XKR7: variants seen among roughly 807,000 people sequenced by gnomAD.
XKR7 encodes the protein XK related 7.
Under a neutral mutation model 42.2 loss-of-function variants are expected in XKR7, and 11 were observed. The observed-to-expected ratio is 0.26, with a 90% CI of 0.16 to 0.43. XKR7 has a LOEUF of 0.43. Among genes scored for constraint, XKR7 ranks in the 20% least tolerant of loss-of-function variants. The pLI, the probability that XKR7 is intolerant of heterozygous loss-of-function variation, is 1.00. For synonymous variants in XKR7, 346 were observed against 366.4 expected, an observed-to-expected ratio of 0.94 and a Z score of 0.64; for missense variants, 710 against 802.2, an observed-to-expected ratio of 0.89 and a Z score of 1.39.
intron 1 of XKR7, among the ~76,000 whole-genome samples, chr20:31,991,226 G>A (rs1179863086): frequency 6.6e-6 from 1 of 152,198 alleles, no homozygotes; most frequent in African/African-American, 2.4e-5. Flanking sequence ...CTTCCAGGGT[G>A]TCACCTTCCC....
intron 1 of XKR7, among the ~76,000 whole-genome samples, chr20:31,981,658 C>CTG (rs1266288490): frequency 2.0e-5 from 3 of 152,218 alleles, no homozygotes; most frequent in Admixed American, 6.5e-5. Context: ...TGCCACTGCA[C>CTG]TGCAGCCTGG....
rs2064448243 is a variant in XKR7 at position 31,968,624 on chromosome 20, C to T, written c.449C>T (p.Thr150Ile). Residue 150 changes from threonine to isoleucine, a missense_variant, in exon 1 of 3, where the codon ACC becomes ATC. Thr to Ile is a moderately conservative substitution (Grantham distance 89). Around this residue, in one of 2 missense-constraint regions of XKR7, gnomAD observed 708 missense variants for 786.2 expected, o/e 0.90. Coordinates refer to ENST00000562532, the MANE Select transcript of XKR7 (RefSeq NM_001011718.2). The surrounding 1 kb of genome is among the most constrained non-coding windows in gnomAD (Gnocchi z 4.5). ...AAGGACAGCGCCGGCGCCTTCCGGA[C>T]CAAAGAAGGCAGCCCCGAGCCGGGT... The part of the protein sequence containing the change: ...STKDSAGAFR[T>I]KEGSPEPGPQ... 1 of 1,599,166 alleles carries T rather than the reference C, an allele frequency of 6.3e-7. No individual in the cohort carries two copies. Among genetic ancestry groups the T allele is most frequent in the African/African-American group, 1.3e-5 (1 of 74,866 alleles).
Position 31,996,493 on chromosome 20 carries a change from C to T in XKR7, c.788-12C>T. 7.2e-7 allele frequency: 1 copy of T among 1,386,566 alleles called. No homozygotes were observed. The highest frequency in any genetic ancestry group is 9.4e-7 in the Non-Finnish European group (1 of 1,066,538). 85.9% of individuals were successfully genotyped at this position (1,386,566 alleles called of 1,614,324 possible). A position where few individuals can be genotyped will look rare whatever the true frequency, so the allele number is the denominator to read the frequency against. ...TAACCCAGCCCACCCCGCCCCTGCC[C>T]TGTCTCCACAGCCCTCTCCACCTCC... On this transcript the variant is annotated splice_polypyrimidine_tract_variant and intron_variant, in intron 2 of 2. Transcript: ENST00000562532.
In XKR7 at chr20:31,997,683, C is replaced by T; in HGVS notation, c.*226C>T. ...TGGCCCATTCCCTAAATTCCCCTGA[C>T]CCAGGGCCTGGGGAATCATCTGGTG... On this transcript the variant is annotated 3_prime_UTR_variant, in exon 3 of 3. Transcript: ENST00000562532. The T allele has an allele frequency of 1.8e-6, 1 of 548,934 alleles. No individual in the cohort carries two copies. Among genetic ancestry groups the T allele is most frequent in the Non-Finnish European group, 3.2e-6 (1 of 311,008 alleles). The allele number at this position is 548,934 out of a possible 1,614,324, so 34.0% of individuals were successfully genotyped here.
intron 1 of XKR7, among the ~76,000 whole-genome samples, chr20:31,990,975 A>G (rs905438203): frequency 7.9e-5 from 12 of 152,038 alleles, no homozygotes; most frequent in Non-Finnish European, 1.5e-5. Flanking sequence ...CTGACCCCAC[A>G]TTCCTGGTAC....
intron 1 of XKR7, among the ~76,000 whole-genome samples, chr20:31,991,624 C>G (rs552009679): frequency 3.9e-5 from 6 of 152,316 alleles, no homozygotes; most frequent in African/African-American, 1.4e-4. Flanking sequence ...ACTCTTCAGT[C>G]CAGAATTTCA....
chr20:31,984,915 GTCC>G, intron 1 of XKR7, among the ~76,000 whole-genome samples: 1 of 152,292 alleles, frequency 6.6e-6, no homozygotes, highest in African/African-American at 2.4e-5. Flanking sequence ...ACGAGTCCTG[GTCC>G]CTTTCTAGGT....
At chr20:31,976,292 T>G (rs1600656384) in intron 1 of XKR7, among the ~76,000 whole-genome samples, 1 of 152,208 alleles carries the variant, frequency 6.6e-6, no homozygotes, top group Non-Finnish European at 1.5e-5. Context: ...CACCAAACTA[T>G]ACTGTCTTCT....
At chr20:31,978,098 CT>C (rs1044054009) in intron 1 of XKR7, among the ~76,000 whole-genome samples, 30 of 148,134 alleles carry the variant, frequency 2.0e-4, no homozygotes, top group South Asian at 4.3e-4. Flanking sequence ...TTTTCTCCTA[CT>C]TTTTTTTTTT....
At chr20:31,984,992 T>C (rs1326956537) in intron 1 of XKR7, among the ~76,000 whole-genome samples, 1 of 152,190 alleles carries the variant, frequency 6.6e-6, no homozygotes, top group Non-Finnish European at 1.5e-5. Context: ...TTAAGAGGGA[T>C]GGATACGTTC....
chr20:31,972,457 G>T (rs1342504180), intron 1 of XKR7, among the ~76,000 whole-genome samples: 2 of 152,196 alleles, frequency 1.3e-5, no homozygotes, highest in Non-Finnish European at 2.9e-5. Context: ...AGCTGGCTGT[G>T]GCCTGGACAC....
At chr20:31,980,029 A>G (rs2064504350) in intron 1 of XKR7, among the ~76,000 whole-genome samples, 1 of 151,148 alleles carries the variant, frequency 6.6e-6, no homozygotes. Context: ...CAAAAGAGGG[A>G]CGCTGGCTGG....
In XKR7 at chr20:32,002,641, C is replaced by G. The variant is rs1322478998; in HGVS notation, c.*5184C>G. On this transcript the variant is annotated 3_prime_UTR_variant, in exon 3 of 3. Coordinates refer to ENST00000562532, the MANE Select transcript of XKR7 (RefSeq NM_001011718.2). Reference sequence around the variant, plus strand: ...CCTGTGGTTTAGGAGATTTTTCTCCCAAACCAGCCTCATTTCTTGAAGAAG... The same window carrying G: ...CCTGTGGTTTAGGAGATTTTTCTCCGAAACCAGCCTCATTTCTTGAAGAAG... The G allele has an allele frequency of 1.3e-5, 2 of 152,128 alleles. No individual in the cohort carries two copies. Among genetic ancestry groups the G allele is most frequent in the Non-Finnish European group, 2.9e-5 (2 of 68,026 alleles). The allele number at this position is 152,128 out of a possible 1,614,324, so 9.4% of individuals were successfully genotyped here. A position where few individuals can be genotyped will look rare whatever the true frequency, so the allele number is the denominator to read the frequency against.
chr20:31,995,419 CT>C lies in XKR7; in HGVS notation c.787+150del. On this transcript the variant is annotated intron_variant, in intron 2 of 2. Coordinates refer to ENST00000562532, the MANE Select transcript of XKR7 (RefSeq NM_001011718.2). The surrounding 1 kb of genome is among the most constrained non-coding windows in gnomAD (Gnocchi z 4.1). ...TTTAGGGAGGCCTGCCCCTTCTACC[CT>C]CACCACCCTCCAGGCCTCTCGAGAC... is the stretch of plus-strand genomic sequence containing the variant. 7.5e-7 allele frequency: 1 copy of C among 1,334,586 alleles called. No individual in the cohort carries two copies. Among genetic ancestry groups the C allele is most frequent in the Non-Finnish European group, 1.0e-6 (1 of 994,606 alleles). The allele number at this position is 1,334,586 out of a possible 1,614,324, so 82.7% of individuals were successfully genotyped here.
intron 1 of XKR7, among the ~76,000 whole-genome samples, chr20:31,973,421 C>A (rs1316359308): frequency 6.6e-6 from 1 of 151,984 alleles, no homozygotes; most frequent in East Asian, 1.9e-4. Flanking sequence ...AATGAAGGAA[C>A]CAATAAGAAA....
Position 31,997,487 on chromosome 20 carries a change from G to T in XKR7, c.*30G>T. 1 of 1,550,168 alleles carries T rather than the reference G, an allele frequency of 6.5e-7. No homozygotes were observed. Among genetic ancestry groups the T allele is most frequent in the Non-Finnish European group, 8.7e-7 (1 of 1,150,428 alleles). ...CAGTGTCCCAGCACAAAAGGGACAGGCTTGGCTGATCCCACATCCGCCGCA... is the reference window on the plus strand; with the variant it reads ...CAGTGTCCCAGCACAAAAGGGACAGTCTTGGCTGATCCCACATCCGCCGCA... On this transcript the variant is annotated 3_prime_UTR_variant, in exon 3 of 3. Transcript: ENST00000562532.
At chr20:31,984,076 A>C (rs1323008126) in intron 1 of XKR7, among the ~76,000 whole-genome samples, 1 of 151,950 alleles carries the variant, frequency 6.6e-6, no homozygotes. Flanking sequence ...AGCCTGACCA[A>C]CATGGTGAAA....
intron 1 of XKR7, among the ~76,000 whole-genome samples, chr20:31,973,604 A>G (rs2064473537): frequency 6.6e-6 from 1 of 152,070 alleles, no homozygotes; most frequent in African/African-American, 2.4e-5. Context: ...GCATGTGGGC[A>G]AAGGGCTGCA....
At chr20:31,989,780 T>C (rs1002702965) in intron 1 of XKR7, among the ~76,000 whole-genome samples, 7 of 152,176 alleles carry the variant, frequency 4.6e-5, no homozygotes, top group African/African-American at 1.4e-4. Context: ...CATCGGCCAA[T>C]TTTTAAATGT....
Sources: allele counts gnomAD v4.1 joint callset (sites outside exome capture counted in the v4.1 genomes callset), GRCh38; gene constraint gnomAD v4.1.1; regional missense constraint gnomAD v4.1.1; non-coding constraint Gnocchi (gnomAD v3.1); transcripts MANE v1.5; gene names NCBI Gene and HGNC (gene_info 2026-07-23, HGNC 2026-07-21).